AGAP1: variants seen among roughly 807,000 people sequenced by gnomAD.
The protein encoded by AGAP1 is arf-GAP with GTPase, ANK repeat and PH domain-containing protein 1.
Under a neutral mutation model 105.3 loss-of-function variants are expected in AGAP1, and 29 were observed. The ratio of observed to expected loss-of-function variants is 0.28; its 90% confidence interval spans 0.21 to 0.38. The LOEUF (loss-of-function observed/expected upper bound fraction) is 0.38, where lower values mean the gene tolerates loss of function less well. Among genes scored for constraint, AGAP1 ranks in the 10% least tolerant of loss-of-function variants. The pLI is 1.00. For synonymous variants in AGAP1, 509 were observed against 485.9 expected, an observed-to-expected ratio of 1.05 and a Z score of -0.63; for missense variants, 998 against 1,165.1, an observed-to-expected ratio of 0.86 and a Z score of 2.09.
At chr2:235,972,882 C>T (rs555989007) in intron 13 of AGAP1, among the ~76,000 whole-genome samples, 7 of 152,316 alleles carry the variant, frequency 4.6e-5, no homozygotes, top group Admixed American at 2.6e-4. Flanking sequence ...CATCATCCCC[C>T]AGGGTCTGGC....
chr2:236,031,757 A>G (rs7577951), intron 13 of AGAP1, among the ~76,000 whole-genome samples: 2,850 of 152,164 alleles, frequency 0.019, 93 homozygotes, highest in African/African-American at 0.065. Context: ...CAGGGCACCC[A>G]GAACAGGTGT....
rs576052925 is a variant in AGAP1, at chr2:235,801,045, T to G, written c.957+1523T>G. On this transcript the variant is annotated intron_variant, in intron 8 of 17. Coordinates refer to ENST00000304032, the MANE Select transcript of AGAP1 (RefSeq NM_001037131.3). This position sits in a 1 kb window ranked among gnomAD's most constrained non-coding sequence, Gnocchi z 6.0. ...CCTCTGCCACATGTCTGGGGCAGTCTCTCATTGGATGCTCATGACTGCGGA... is the reference window on the plus strand; with the variant it reads ...CCTCTGCCACATGTCTGGGGCAGTCGCTCATTGGATGCTCATGACTGCGGA... Among the ~76,000 whole-genome samples the G allele has an allele frequency of 6.6e-6, 1 of 152,146 alleles. No individual in the cohort carries two copies. Among genetic ancestry groups the G allele is most frequent in the Non-Finnish European group, 1.5e-5 (1 of 68,030 alleles).
rs190227620 is a variant in AGAP1 at position 235,712,093 on chromosome 2, C to G, written c.222+2856C>G. On this transcript the variant is annotated intron_variant, in intron 2 of 17. Coordinates refer to ENST00000304032, the MANE Select transcript of AGAP1 (RefSeq NM_001037131.3). The surrounding 1 kb of genome is among the most constrained non-coding windows in gnomAD (Gnocchi z 6.0). The stretch of plus-strand genomic sequence containing the variant: ...AGGCTGGAGTGCAGTGGCGCCATCT[C>G]GGCTCACTGCAACCTGCCTCCTGGG... Among the ~76,000 whole-genome samples the G allele has an allele frequency of 1.3e-5, 2 of 152,132 alleles. No homozygotes were observed. The highest frequency in any genetic ancestry group is 3.9e-4 in the East Asian group (2 of 5,166).
At chr2:235,670,015 G>C (rs1358952683) in intron 1 of AGAP1, 1 of 327,602 alleles carries the variant, frequency 3.1e-6, no homozygotes, top group East Asian at 5.0e-5. Context: ...CCACACTCCC[G>C]GCCCGCCTGC....
chr2:235,910,655 C>T (rs1265232946), intron 11 of AGAP1, among the ~76,000 whole-genome samples: 2 of 152,188 alleles, frequency 1.3e-5, no homozygotes, highest in Non-Finnish European at 1.5e-5. Flanking sequence ...CAGTGGCTCA[C>T]GCCTGTAACC....
In AGAP1 at chr2:235,628,482, TG is replaced by T. The variant is rs148809635; in HGVS notation, c.164-80694del. ...GAATGTACTTGGCAGAAGGGAAGCCTGGGAGTGAGCTCCAGGCAGAAGAACA... is the reference window on the plus strand; with the variant it reads ...GAATGTACTTGGCAGAAGGGAAGCCTGGAGTGAGCTCCAGGCAGAAGAACA... On this transcript the variant is annotated intron_variant, in intron 1 of 17. Transcript: ENST00000304032. Among the ~76,000 whole-genome samples the T allele has an allele frequency of 2.5e-3, 380 of 152,230 alleles. 2 individuals are homozygous for T. The highest frequency in any genetic ancestry group is 8.9e-3 in the African/African-American group (371 of 41,536).
At chr2:235,832,991 T>C (rs1959616754) in intron 9 of AGAP1, among the ~76,000 whole-genome samples, 1 of 152,186 alleles carries the variant, frequency 6.6e-6, no homozygotes, top group Non-Finnish European at 1.5e-5. Flanking sequence ...GGCCTTTGGC[T>C]CTGAGACTGT....
chr2:235,546,813 A>C (rs1345133423), intron 1 of AGAP1, among the ~76,000 whole-genome samples: 1 of 152,188 alleles, frequency 6.6e-6, no homozygotes, highest in Non-Finnish European at 1.5e-5. Context: ...TTACCTTGGT[A>C]GTCATTAGTT....
At chr2:236,026,477 C>G (rs2057058324) in intron 13 of AGAP1, among the ~76,000 whole-genome samples, 1 of 152,202 alleles carries the variant, frequency 6.6e-6, no homozygotes, top group Admixed American at 6.5e-5. Context: ...GCCTGTAATC[C>G]CCGCACTTTG....
intron 13 of AGAP1, among the ~76,000 whole-genome samples, chr2:236,023,215 C>T (rs2056941757): frequency 6.6e-6 from 1 of 152,136 alleles, no homozygotes; most frequent in Non-Finnish European, 1.5e-5. Context: ...TCTGGGGCTG[C>T]ACCAGCCTCT....
Position 235,741,003 on chromosome 2 carries a change from C to T in AGAP1, c.351C>T (p.Ser117=). The change falls in exon 4 of 18, where the codon AGC becomes AGT. Residue 117 remains serine, a synonymous_variant. Transcript: ENST00000304032. The surrounding 1 kb of genome is among the most constrained non-coding windows in gnomAD (Gnocchi z 4.9). ...FKKEIVVDGQ[S]YLLLIRDEGG... ...AAGAGATTGTCGTTGATGGACAGAG[C>T]TATCTGCTGCTGATCAGAGATGAAG... 1 of 1,614,192 alleles carries T rather than the reference C, an allele frequency of 6.2e-7. No individual in the cohort carries two copies. The highest frequency in any genetic ancestry group is 8.5e-7 in the Non-Finnish European group (1 of 1,180,032).
In AGAP1 at chr2:235,777,553, G is replaced by A. The variant is rs1025117774; in HGVS notation, c.674-20206G>A. 3.3e-5 allele frequency among the ~76,000 whole-genome samples: 5 copies of A among 152,172 alleles called. No individual in the cohort carries two copies. Among genetic ancestry groups the A allele is most frequent in the South Asian group, 2.1e-4 (1 of 4,822 alleles). On this transcript the variant is annotated intron_variant, in intron 6 of 17. Coordinates refer to ENST00000304032, the MANE Select transcript of AGAP1 (RefSeq NM_001037131.3). This position sits in a 1 kb window ranked among gnomAD's most constrained non-coding sequence, Gnocchi z 5.1. ...CCAGCAAATTACGCTGGCTGTACTC[G>A]CCATGTCCTGTTGCCATAGAGGACG... is the stretch of plus-strand genomic sequence containing the variant.
chr2:235,798,814 G>A (rs758936060), intron 7 of AGAP1, among the ~76,000 whole-genome samples: 2 of 148,198 alleles, frequency 1.3e-5, no homozygotes, highest in Non-Finnish European at 3.0e-5. Context: ...CTAGGCTGCA[G>A]TGAGTGTGAT....
Position 235,994,907 on chromosome 2 carries a change from A to C in AGAP1, c.1645+26284A>C, listed in dbSNP as rs561963886. ...TAGTGAAACCCCATCTGTACTAAAAATACAAAAACATTAGCCAAGCGTGGT... is the reference window on the plus strand; with the variant it reads ...TAGTGAAACCCCATCTGTACTAAAACTACAAAAACATTAGCCAAGCGTGGT... On this transcript the variant is annotated intron_variant, in intron 13 of 17. Transcript: ENST00000304032. This position sits in a 1 kb window ranked among gnomAD's most constrained non-coding sequence, Gnocchi z 4.4. Among the ~76,000 whole-genome samples, 4 of 151,386 alleles carry C rather than the reference A, an allele frequency of 2.6e-5. No homozygotes were observed. In the South Asian group the frequency reaches 8.4e-4, roughly 32 times the overall value.
Position 236,092,542 on chromosome 2 carries a change from C to T in AGAP1, c.2115-27650C>T, listed in dbSNP as rs189800966. Among the ~76,000 whole-genome samples, 40 of 152,106 alleles carry T rather than the reference C, an allele frequency of 2.6e-4. 1 individual carries two copies. The highest frequency in any genetic ancestry group is 3.4e-3 in the Middle Eastern group (1 of 294). On this transcript the variant is annotated intron_variant, in intron 16 of 17. Coordinates refer to ENST00000304032, the MANE Select transcript of AGAP1 (RefSeq NM_001037131.3). This position sits in a 1 kb window ranked among gnomAD's most constrained non-coding sequence, Gnocchi z 4.7. ...CGAGTAAGCTGGGATTACAGGTGTC[C>T]GCCACCGTGCCCAGCTAATTTTTGT...
At chr2:236,116,834 G>A (rs911268939) in intron 16 of AGAP1, among the ~76,000 whole-genome samples, 20 of 151,442 alleles carry the variant, frequency 1.3e-4, no homozygotes, top group African/African-American at 4.9e-4. Context: ...CCACGTATCA[G>A]TGAGAACATG....
intron 9 of AGAP1, among the ~76,000 whole-genome samples, chr2:235,844,750 C>G (rs1180929921): frequency 6.6e-6 from 1 of 152,196 alleles, no homozygotes; most frequent in African/African-American, 2.4e-5. Context: ...TTCCATCCAT[C>G]ACTCATCCAC....
Position 236,005,564 on chromosome 2 carries a change from C to T in AGAP1, c.1646-30997C>T, listed in dbSNP as rs968413428. The stretch of plus-strand genomic sequence containing the variant: ...CATCTCTTTAGCTTTAACCTCATGC[C>T]GTGTCTCTGTTCCAGGATCCAAATC... On this transcript the variant is annotated intron_variant, in intron 13 of 17. Coordinates refer to ENST00000304032, the MANE Select transcript of AGAP1 (RefSeq NM_001037131.3). This position sits in a 1 kb window ranked among gnomAD's most constrained non-coding sequence, Gnocchi z 4.1. 2.6e-5 allele frequency among the ~76,000 whole-genome samples: 4 copies of T among 152,186 alleles called. No homozygotes were observed. The highest frequency in any genetic ancestry group is 5.9e-5 in the Non-Finnish European group (4 of 68,032).
At chr2:236,108,125 TC>T (rs1399685954) in intron 16 of AGAP1, among the ~76,000 whole-genome samples, 2 of 152,236 alleles carry the variant, frequency 1.3e-5, no homozygotes, top group African/African-American at 4.8e-5. Context: ...TGGGCTGTGC[TC>T]CGTCCCTCCG....
Sources: allele counts gnomAD v4.1 joint callset (sites outside exome capture counted in the v4.1 genomes callset), GRCh38; gene constraint gnomAD v4.1.1; non-coding constraint Gnocchi (gnomAD v3.1); transcripts MANE v1.5; gene names NCBI Gene and HGNC (gene_info 2026-07-23, HGNC 2026-07-21).